Variants in ANOS1 observed in about 807,000 individuals in gnomAD.
ANOS1 encodes the protein anosmin 1.
Under a neutral mutation model 59.0 loss-of-function variants are expected in ANOS1, and 6 were observed. The observed-to-expected ratio is 0.10, with a 90% CI of 0.06 to 0.20. The LOEUF (loss-of-function observed/expected upper bound fraction) is 0.20, where lower values mean the gene tolerates loss of function less well. Among genes scored for constraint, ANOS1 ranks in the 10% least tolerant of loss-of-function variants. ANOS1 has a pLI of 1.00. For missense variants in ANOS1, 433 were observed against 542.3 expected (o/e 0.80, Z 2.00); for synonymous variants, 217 against 223.4 (o/e 0.97, Z 0.25).
At chrX:8,719,629 C>T (rs1932861817) in intron 1 of ANOS1, among the ~76,000 whole-genome samples, 1 of 111,861 alleles carries the variant, frequency 8.9e-6, no homozygotes, top group Non-Finnish European at 1.9e-5. Context: ...GATCTGCCCA[C>T]CTTGGCCTCC....
chrX:8,561,472 T>C (rs1410503867), intron 8 of ANOS1, among the ~76,000 whole-genome samples: 1 of 98,437 alleles, frequency 1.0e-5, no homozygotes. Flanking sequence ...GCTAATTTTT[T>C]TTTTTTTTTT....
chrX:8,540,752 C>T (rs143459197), intron 9 of ANOS1, among the ~76,000 whole-genome samples: 5,367 of 108,140 alleles, frequency 0.05, 347 homozygotes, highest in African/African-American at 0.17. Context: ...GTGGGAACTT[C>T]GCTTTGAGCA....
intron 2 of ANOS1, among the ~76,000 whole-genome samples, chrX:8,667,825 G>A (rs1932174912): frequency 9.0e-6 from 1 of 111,146 alleles, no homozygotes; most frequent in South Asian, 3.8e-4. Flanking sequence ...AAGGGTAAGA[G>A]TATGGCTGTG....
At chrX:8,623,354 G>T (rs1308973820) in intron 3 of ANOS1, among the ~76,000 whole-genome samples, 1 of 111,162 alleles carries the variant, frequency 9.0e-6, no homozygotes. Context: ...TATACCTTTA[G>T]AAAGCCTGTA....
At chrX:8,649,526 T>G (rs1931816015) in intron 2 of ANOS1, among the ~76,000 whole-genome samples, 1 of 112,031 alleles carries the variant, frequency 8.9e-6, no homozygotes, top group African/African-American at 3.2e-5. Flanking sequence ...TCTGCTTTAT[T>G]TGTTGCCATA....
chrX:8,545,409 A>AAGGAAGGAAGGAAGGAAGGCAGGC (rs745936247), intron 9 of ANOS1, among the ~76,000 whole-genome samples: 1 of 104,590 alleles, frequency 9.6e-6, no homozygotes, highest in African/African-American at 3.5e-5. Flanking sequence ...GGAAGGAAGG[A>AAGGAAGGAAGGAAGGAAGGCAGGC]AGGCAGGCAG....
chrX:8,688,715 T>C (rs1255441547), intron 2 of ANOS1, among the ~76,000 whole-genome samples: 1 of 112,067 alleles, frequency 8.9e-6, no homozygotes, highest in Non-Finnish European at 1.9e-5. Flanking sequence ...ACTTGTCACA[T>C]ATTGGATTTA....
At chrX:8,545,138 A>T in intron 9 of ANOS1, among the ~76,000 whole-genome samples, 1 of 104,817 alleles carries the variant, frequency 9.5e-6, no homozygotes, top group Non-Finnish European at 2.0e-5. Flanking sequence ...CTGTAGTTCC[A>T]GCTTCTTGTG....
In ANOS1 at chrX:8,566,081, G is replaced by C. The variant is rs1377484720; in HGVS notation, c.1207+2151C>G. 3 of 752,549 alleles carry C rather than the reference G, an allele frequency of 4.0e-6. No homozygotes were observed. The African/African-American group carries it at 6.9e-5, about 17-fold the overall frequency. 62.0% of individuals were successfully genotyped at this position (752,549 alleles called of 1,213,427 possible). Reference sequence around the variant, plus strand: ...TACACTCATCCACGCTGCTGCGTTTGTGTGGAATGATGTCCATTCCTTGTG... The same window carrying C: ...TACACTCATCCACGCTGCTGCGTTTCTGTGGAATGATGTCCATTCCTTGTG... On this transcript the variant is annotated intron_variant, in intron 8 of 13. Coordinates refer to ENST00000262648, the MANE Select transcript of ANOS1 (RefSeq NM_000216.4).
At chrX:8,672,448 G>A (rs868505776) in intron 2 of ANOS1, among the ~76,000 whole-genome samples, 21 of 112,601 alleles carry the variant, frequency 1.9e-4, no homozygotes, top group Middle Eastern at 4.6e-3. Context: ...GCTTGAAGCA[G>A]TGGGAAGTCG....
chrX:8,583,814 G>T (rs950238155), intron 6 of ANOS1, among the ~76,000 whole-genome samples: 1 of 111,736 alleles, frequency 8.9e-6, no homozygotes, highest in African/African-American at 3.3e-5. Context: ...CTTAAATTTG[G>T]GAGATGCAGC....
At chrX:8,598,173 T>C (rs983092699) in intron 3 of ANOS1, among the ~76,000 whole-genome samples, 1 of 112,074 alleles carries the variant, frequency 8.9e-6, no homozygotes, top group Non-Finnish European at 1.9e-5. Flanking sequence ...GAATCTTCTT[T>C]AAAAATCAGC....
intron 2 of ANOS1, among the ~76,000 whole-genome samples, chrX:8,624,016 T>TC (rs201692679): frequency 5.5e-5 from 2 of 36,660 alleles, no homozygotes; most frequent in Admixed American, 3.2e-4. Flanking sequence ...CTTTTCTTTT[T>TC]TTTTTTTTTT....
Position 8,591,323 on chromosome X carries a change from T to C in ANOS1, c.542-3345A>G, listed in dbSNP as rs955940555. Among the ~76,000 whole-genome samples the C allele has an allele frequency of 5.5e-5, 6 of 110,019 alleles. No individual in the cohort carries two copies. In the East Asian group the frequency reaches 1.7e-3, roughly 31 times the overall value. On this transcript the variant is annotated intron_variant, in intron 4 of 13. Coordinates refer to ENST00000262648, the MANE Select transcript of ANOS1 (RefSeq NM_000216.4). Reference sequence around the variant, plus strand: ...ATTTACTTGATTCCTTGGTGCATAGTAAAAAAAAATGATGACCAATTCTTC... The same window carrying C: ...ATTTACTTGATTCCTTGGTGCATAGCAAAAAAAAATGATGACCAATTCTTC...
At chrX:8,657,471 T>TA (rs1423898065) in intron 2 of ANOS1, among the ~76,000 whole-genome samples, 10 of 102,731 alleles carry the variant, frequency 9.7e-5, no homozygotes, top group African/African-American at 3.6e-4. Context: ...TGCTTGCTTT[T>TA]TTTTTTTTTT....
chrX:8,627,996 A>G (rs1269950036), intron 2 of ANOS1, among the ~76,000 whole-genome samples: 3 of 111,477 alleles, frequency 2.7e-5, no homozygotes. Flanking sequence ...ACAGGATGAG[A>G]TAAGAGGTTG....
intron 13 of ANOS1, among the ~76,000 whole-genome samples, chrX:8,533,461 T>A (rs1330913101): frequency 2.7e-5 from 3 of 112,345 alleles, no homozygotes; most frequent in African/African-American, 9.7e-5. Context: ...ATTGTGATAG[T>A]TTTTGTTTTT....
chrX:8,603,225 C>T (rs1930878585), intron 3 of ANOS1, among the ~76,000 whole-genome samples: 1 of 111,691 alleles, frequency 9.0e-6, no homozygotes, highest in Admixed American at 9.5e-5. Flanking sequence ...CATTATGCCT[C>T]CAAAGAAGAG....
In ANOS1 at chrX:8,557,315, T is replaced by C. The variant is rs1423875211; in HGVS notation, c.1208-3217A>G. On this transcript the variant is annotated intron_variant, in intron 8 of 13. Transcript: ENST00000262648. The stretch of plus-strand genomic sequence containing the variant: ...AAAGCAATTGCAACAAAAGCCAAAG[T>C]TGACAAATGGGATCTAATTAAACTA... Among the ~76,000 whole-genome samples, 4 of 111,725 alleles carry C rather than the reference T, an allele frequency of 3.6e-5. No individual in the cohort carries two copies. The East Asian group carries it at 1.1e-3, about 31-fold the overall frequency.
Sources: gnomAD v4.1 joint callset for allele counts (sites outside exome capture counted in the v4.1 genomes callset) on GRCh38, gnomAD v4.1.1 for gene constraint, MANE v1.5 for transcripts, NCBI Gene and HGNC (gene_info 2026-07-23, HGNC 2026-07-21) for gene names.